Variants in FAM91A1 observed in about 807,000 individuals in gnomAD.
FAM91A1 encodes the protein protein FAM91A1.
FAM91A1 carries 41 observed loss-of-function variants against 113.5 expected under a neutral mutation model. The observed-to-expected ratio is 0.36, with a 90% CI of 0.28 to 0.47. The LOEUF (loss-of-function observed/expected upper bound fraction) is 0.47. FAM91A1 is among the 20% of genes least tolerant of loss of function. The pLI, the probability that FAM91A1 is intolerant of heterozygous loss-of-function variation, is 1.00. For synonymous variants in FAM91A1, 307 were observed against 347.9 expected, an observed-to-expected ratio of 0.88 and a Z score of 1.31; for missense variants, 696 against 1,001.2, an observed-to-expected ratio of 0.70 and a Z score of 4.11.
rs1815170089 is a variant in FAM91A1, at chr8:123,783,374, G to A, written c.704-1096G>A. Among the ~76,000 whole-genome samples, 5 of 151,350 alleles carry A rather than the reference G, an allele frequency of 3.3e-5. No individual in the cohort carries two copies. In the South Asian group the frequency reaches 1.0e-3, roughly 32 times the overall value. On this transcript the variant is annotated intron_variant, in intron 8 of 23. Coordinates refer to ENST00000334705, the MANE Select transcript of FAM91A1 (RefSeq NM_144963.4). The stretch of plus-strand genomic sequence containing the variant: ...GGAAATAATTAATGTTGTCAAAGAC[G>A]GGATTTCTAAAATATTTCTAAAAAG...
Position 123,773,679 on chromosome 8 carries a change from T to C in FAM91A1, c.73-401T>C, listed in dbSNP as rs150361732. Among the ~76,000 whole-genome samples the C allele has an allele frequency of 3.7e-3, 565 of 152,324 alleles. 4 individuals are homozygous for C. Among genetic ancestry groups the C allele is most frequent in the African/African-American group, 0.012 (518 of 41,578 alleles). On this transcript the variant is annotated intron_variant, in intron 1 of 23. Transcript: ENST00000334705. ...CAAAGAGGGATGTATCTGTCCTTAGTTGCCATTCTTAAATTTAAATAAATG... is the reference window on the plus strand; with the variant it reads ...CAAAGAGGGATGTATCTGTCCTTAGCTGCCATTCTTAAATTTAAATAAATG...
chr8:123,792,801 T>TC lies in FAM91A1; in HGVS notation c.1411+3060dup, dbSNP rs1815417510. On this transcript the variant is annotated intron_variant, in intron 15 of 23. Transcript: ENST00000334705. The stretch of plus-strand genomic sequence containing the variant: ...GGGCTTAGTGCAAGGACCCACTTTT[T>TC]CCCCGTATGACTTAGATAAGATTCA... 2.0e-5 allele frequency among the ~76,000 whole-genome samples: 3 copies of TC among 152,170 alleles called. No individual in the cohort carries two copies. In the South Asian group the frequency reaches 6.2e-4, roughly 32 times the overall value.
intron 18 of FAM91A1, among the ~76,000 whole-genome samples, chr8:123,803,117 A>G (rs1434098147): frequency 1.3e-5 from 2 of 152,168 alleles, no homozygotes; most frequent in African/African-American, 4.8e-5. Flanking sequence ...CAACTTGGAT[A>G]ACATAGTGAA....
chr8:123,777,993 A>C, intron 4 of FAM91A1, 32 bp from the exon 5 acceptor site: 1 of 1,574,314 alleles, frequency 6.4e-7, no homozygotes, highest in East Asian at 2.2e-5. Context: ...AGATATGTTA[A>C]ATGTTTTTAA....
chr8:123,794,392 A>G (rs1212754908), intron 15 of FAM91A1, among the ~76,000 whole-genome samples: 1 of 152,234 alleles, frequency 6.6e-6, no homozygotes, highest in Non-Finnish European at 1.5e-5. Context: ...ACATTCAAAC[A>G]TATCAAAACT....
intron 23 of FAM91A1, chr8:123,811,092 A>G (rs142597179): frequency 6.6e-6 from 1 of 152,396 alleles, no homozygotes; most frequent in East Asian, 1.9e-4. Context: ...GCAGGATAAT[A>G]TAAGCTGAAG....
intron 16 of FAM91A1, among the ~76,000 whole-genome samples, chr8:123,799,231 C>CA (rs1815617397): frequency 6.6e-6 from 1 of 152,154 alleles, no homozygotes; most frequent in Non-Finnish European, 1.5e-5. Flanking sequence ...CAAAATGAGG[C>CA]ACAGAGAGCT....
chr8:123,800,710 C>T (rs1212911839), intron 18 of FAM91A1, among the ~76,000 whole-genome samples: 4 of 152,190 alleles, frequency 2.6e-5, no homozygotes, highest in African/African-American at 9.6e-5. Context: ...TTAAGCAACA[C>T]TAATCTACTT....
At chr8:123,798,313 A>T in intron 16 of FAM91A1, 75 bp downstream of exon 16, 1 of 1,482,864 alleles carries the variant, frequency 6.7e-7, no homozygotes, top group East Asian at 2.4e-5. Flanking sequence ...CTATCTGCAG[A>T]TACCAACTAT....
intron 20 of FAM91A1, among the ~76,000 whole-genome samples, chr8:123,807,502 A>G (rs1421011137): frequency 1.3e-5 from 2 of 150,834 alleles, no homozygotes; most frequent in East Asian, 1.9e-4. Flanking sequence ...AAAAAAAAAA[A>G]GAAACAAAAA....
chr8:123,790,422 A>T (rs1200649474), intron 15 of FAM91A1, among the ~76,000 whole-genome samples: 2 of 152,144 alleles, frequency 1.3e-5, no homozygotes, highest in Non-Finnish European at 2.9e-5. Flanking sequence ...TTAAAAGATG[A>T]TTCCAGTGCT....
intron 12 of FAM91A1, 115 bp from the exon 13 acceptor site, chr8:123,787,146 T>C: frequency 1.3e-6 from 1 of 780,384 alleles, no homozygotes; most frequent in Non-Finnish European, 2.1e-6. Flanking sequence ...TAGTGCCTTT[T>C]TAAAATTATG....
Position 123,775,207 on chromosome 8 carries a change from A to T in FAM91A1, c.218A>T (p.Asp73Val), listed in dbSNP as rs1021389529. Residue 73 changes from aspartate to valine, a missense_variant, in exon 3 of 24, where the codon GAT (aspartate) becomes GTT (valine). Physicochemically the swap from Asp to Val is radical, Grantham distance 152. Transcript: ENST00000334705. The stretch of plus-strand genomic sequence containing the variant: ...GAGGAACTGCTAAAGTACAGCCGAG[A>T]TCATCTCATGCTGTACCCTTACCAT... ...YYEELLKYSR[D>V]HLMLYPYHLS... is the part of the protein sequence containing the mutation. 6.2e-7 allele frequency: 1 copy of T among 1,613,754 alleles called. No individual in the cohort carries two copies. The highest frequency in any genetic ancestry group is 1.3e-5 in the African/African-American group (1 of 74,932).
intron 1 of FAM91A1, among the ~76,000 whole-genome samples, chr8:123,771,463 G>A (rs1814835403): frequency 6.6e-6 from 1 of 151,994 alleles, no homozygotes; most frequent in African/African-American, 2.4e-5. Flanking sequence ...GTAAGCTAGG[G>A]GCAGGTGATT....
intron 15 of FAM91A1, among the ~76,000 whole-genome samples, chr8:123,792,477 G>T (rs1184464569): frequency 6.6e-6 from 1 of 151,908 alleles, no homozygotes; most frequent in African/African-American, 2.4e-5. Flanking sequence ...TTTCCCCCAG[G>T]TATCTTTGTC....
At chr8:123,780,136 A>G (rs1815084849) in intron 7 of FAM91A1, 61 bp downstream of exon 7, 27 of 1,302,980 alleles carry the variant, frequency 2.1e-5, no homozygotes, top group Non-Finnish European at 3.0e-5. Flanking sequence ...ACCATCAATA[A>G]TTACTAGCAA....
At chr8:123,810,731 T>G (rs941765739) in intron 23 of FAM91A1, 1 of 210,636 alleles carries the variant, frequency 4.7e-6, no homozygotes, top group East Asian at 1.2e-4. Flanking sequence ...CTGGACTTCT[T>G]GTTTTTCCCC....
rs1042444464 is a variant in FAM91A1, at chr8:123,788,256, A to C, written c.1278+506A>C. The C allele has an allele frequency of 3.0e-6, 3 of 984,500 alleles. No homozygotes were observed. In the African/African-American group the frequency reaches 5.2e-5, roughly 17 times the overall value. 61.0% of individuals were successfully genotyped at this position (984,500 alleles called of 1,614,324 possible). A position where few individuals can be genotyped will look rare whatever the true frequency, so the allele number is the denominator to read the frequency against. On this transcript the variant is annotated intron_variant, in intron 14 of 23. Coordinates refer to ENST00000334705, the MANE Select transcript of FAM91A1 (RefSeq NM_144963.4). The stretch of plus-strand genomic sequence containing the variant: ...TAACCACCTTTTTCCCCGTGAGTAC[A>C]GCCCTAGTTTTCCTTAGCTCTAAAT...
Position 123,780,020 on chromosome 8 carries a change from GATC to G in FAM91A1, c.589_591del (p.Ile197del). 1.2e-6 allele frequency: 2 copies of G among 1,613,388 alleles called. No homozygotes were observed. Among genetic ancestry groups the G allele is most frequent in the Non-Finnish European group, 1.7e-6 (2 of 1,179,572 alleles). ...TGCCTGAGAAATGCGCTGTTGATAA[GATC>G]ATCGATTCAGGCCCTCAACTCTCTG... On this transcript the variant is annotated inframe_deletion, in exon 7 of 24. Transcript: ENST00000334705.
Sources: gnomAD v4.1 joint callset for allele counts (sites outside exome capture counted in the v4.1 genomes callset) on GRCh38, gnomAD v4.1.1 for gene constraint, MANE v1.5 for transcripts, NCBI Gene and HGNC (gene_info 2026-07-23, HGNC 2026-07-21) for gene names.